The following ITGBL1 variants were observed in gnomAD, a reference collection of about 807,000 sequenced individuals.
ITGBL1 encodes the protein integrin subunit beta like 1, also known as integrin beta-like protein 1.
In ITGBL1, 51 loss-of-function variants were observed where a neutral mutation model predicts 68.5. The ratio of observed to expected loss-of-function variants is 0.74; its 90% CI spans 0.59 to 0.94. ITGBL1 has a LOEUF of 0.94. Among genes scored for constraint, ITGBL1 ranks in the 40% least tolerant of loss-of-function variants. The pLI is 0.00. For missense variants in ITGBL1, 649 were observed against 647.4 expected (o/e 1.00, Z -0.03); for synonymous variants, 209 against 227.3 (o/e 0.92, Z 0.72).
At chr13:101,470,469 G>C (rs541114508) in intron 2 of ITGBL1, among the ~76,000 whole-genome samples, 68 of 152,088 alleles carry the variant, frequency 4.5e-4, no homozygotes, top group African/African-American at 1.6e-3. Context: ...TTATAAAGTA[G>C]ACGTGGTGTT....
In ITGBL1 at chr13:101,708,026, A is replaced by AACACACAC. The variant is rs3062945; in HGVS notation, c.1279+1160_1279+1167dup. ...CCATCTCCCATCCTACACACATGCA[A>AACACACAC]ACACACACACACACACACACACACA... On this transcript the variant is annotated intron_variant, in intron 9 of 10. Coordinates refer to ENST00000376180, the MANE Select transcript of ITGBL1 (RefSeq NM_004791.3). Among the ~76,000 whole-genome samples, 365 of 144,428 alleles carry AACACACAC rather than the reference A, an allele frequency of 2.5e-3. 1 individual carries two copies. Among genetic ancestry groups the AACACACAC allele is most frequent in the South Asian group, 4.5e-3 (20 of 4,436 alleles). The allele number at this position is 144,428 out of a possible 152,430, so 94.8% of individuals were successfully genotyped here. A position where few individuals can be genotyped will look rare whatever the true frequency, so the allele number is the denominator to read the frequency against.
chr13:101,494,413 G>A (rs912764636), intron 2 of ITGBL1, among the ~76,000 whole-genome samples: 2 of 151,998 alleles, frequency 1.3e-5, no homozygotes, highest in African/African-American at 4.8e-5. Context: ...ATTGGAAAAG[G>A]GCTAAAATAT....
At chr13:101,636,657 C>T (rs1023704214) in intron 7 of ITGBL1, among the ~76,000 whole-genome samples, 1 of 152,132 alleles carries the variant, frequency 6.6e-6, no homozygotes, top group Admixed American at 6.5e-5. Flanking sequence ...CATTGAACTA[C>T]TTAAAAATAG....
chr13:101,563,890 TC>T, intron 2 of ITGBL1, among the ~76,000 whole-genome samples: 1 of 151,784 alleles, frequency 6.6e-6, no homozygotes, highest in South Asian at 2.1e-4. Flanking sequence ...GAACACCAAA[TC>T]TTTAATAGAA....
intron 7 of ITGBL1, among the ~76,000 whole-genome samples, chr13:101,622,775 CATGA>C (rs1037067955): frequency 1.3e-4 from 20 of 152,046 alleles, no homozygotes; most frequent in African/African-American, 4.8e-4. Context: ...GTTAGAGATC[CATGA>C]ATAGAAAATC....
intron 2 of ITGBL1, among the ~76,000 whole-genome samples, chr13:101,526,747 CTATAA>C (rs67834605): frequency 0.17 from 25,555 of 151,246 alleles, 2,589 homozygotes; most frequent in African/African-American, 0.28. Flanking sequence ...TAGCATTTTT[CTATAA>C]TATATTTTTA....
chr13:101,473,379 A>G (rs949528605), intron 2 of ITGBL1, among the ~76,000 whole-genome samples: 1 of 152,106 alleles, frequency 6.6e-6, no homozygotes, highest in Non-Finnish European at 1.5e-5. Flanking sequence ...GGAACTTTGG[A>G]TTGGAACTCA....
At chr13:101,596,633 C>CT (rs1274907312) in intron 6 of ITGBL1, among the ~76,000 whole-genome samples, 1 of 152,098 alleles carries the variant, frequency 6.6e-6, no homozygotes, top group Non-Finnish European at 1.5e-5. Flanking sequence ...AGATTTCATG[C>CT]TTTTTGTCAG....
intron 2 of ITGBL1, among the ~76,000 whole-genome samples, chr13:101,559,965 A>G (rs1054609379): frequency 1.3e-5 from 2 of 152,198 alleles, no homozygotes; most frequent in Non-Finnish European, 2.9e-5. Flanking sequence ...GGAACCCTCT[A>G]TATTCTTCCG....
intron 2 of ITGBL1, among the ~76,000 whole-genome samples, chr13:101,529,567 T>C: frequency 6.6e-6 from 1 of 152,228 alleles, no homozygotes; most frequent in East Asian, 1.9e-4. Context: ...AAAATGAGGC[T>C]ACATAGTTCA....
chr13:101,678,741 T>C (rs561209283), intron 7 of ITGBL1, among the ~76,000 whole-genome samples: 20 of 152,078 alleles, frequency 1.3e-4, no homozygotes, highest in Non-Finnish European at 2.2e-4. Flanking sequence ...CCTCAGGTGA[T>C]CCACTGCTTT....
chr13:101,700,482 C>T (rs1252306245), intron 8 of ITGBL1, among the ~76,000 whole-genome samples: 1 of 152,220 alleles, frequency 6.6e-6, no homozygotes, highest in Non-Finnish European at 1.5e-5. Context: ...CTAACTTCCC[C>T]ATATTCATTC....
At chr13:101,656,017 G>C (rs2032910551) in intron 7 of ITGBL1, among the ~76,000 whole-genome samples, 1 of 152,058 alleles carries the variant, frequency 6.6e-6, no homozygotes, top group Non-Finnish European at 1.5e-5. Context: ...GAAATACATT[G>C]ATTTGGTTCA....
chr13:101,486,828 C>T (rs569440904), intron 2 of ITGBL1, among the ~76,000 whole-genome samples: 1 of 152,238 alleles, frequency 6.6e-6, no homozygotes, highest in Non-Finnish European at 1.5e-5. Context: ...CTAGAAGGAA[C>T]ATAAGCACAC....
At chr13:101,573,754 T>C (rs753803906) in intron 3 of ITGBL1, among the ~76,000 whole-genome samples, 1 of 152,154 alleles carries the variant, frequency 6.6e-6, no homozygotes, top group Non-Finnish European at 1.5e-5. Flanking sequence ...CAGCTACAGC[T>C]CTACCTTACT....
intron 7 of ITGBL1, among the ~76,000 whole-genome samples, chr13:101,674,824 TC>T (rs567631902): frequency 9.1e-4 from 138 of 152,234 alleles, no homozygotes; most frequent in African/African-American, 3.1e-3. Flanking sequence ...TAGTTTAACT[TC>T]ATCTTATTTT....
rs182319104 is a variant in ITGBL1 at position 101,587,083 on chromosome 13, T to C, written c.868+3727T>C. ...CTTGCCATCCTGAGAGTTTTGGTCT[T>C]ATTTAAGTCCAAGGGAAGTCTCTGG... is the stretch of plus-strand genomic sequence containing the variant. On this transcript the variant is annotated intron_variant, in intron 6 of 10. Coordinates refer to ENST00000376180, the MANE Select transcript of ITGBL1 (RefSeq NM_004791.3). Among the ~76,000 whole-genome samples the C allele has an allele frequency of 1.5e-3, 227 of 152,304 alleles. 3 individuals carry two copies. Among genetic ancestry groups the C allele is most frequent in the Non-Finnish European group, 2.4e-4 (16 of 68,016 alleles).
At chr13:101,646,085 A>G (rs1221746660) in intron 7 of ITGBL1, among the ~76,000 whole-genome samples, 1 of 152,198 alleles carries the variant, frequency 6.6e-6, no homozygotes, top group African/African-American at 2.4e-5. Context: ...GCTGGACAGT[A>G]TCCACCTTTG....
At chr13:101,554,121 G>A (rs997190475) in intron 2 of ITGBL1, among the ~76,000 whole-genome samples, 1 of 151,972 alleles carries the variant, frequency 6.6e-6, no homozygotes, top group African/African-American at 2.4e-5. Context: ...TCAGATTAAG[G>A]GCCCACCTAA....
Sources: gnomAD v4.1 joint callset for allele counts (sites outside exome capture counted in the v4.1 genomes callset) on GRCh38, gnomAD v4.1.1 for gene constraint, MANE v1.5 for transcripts, NCBI Gene and HGNC (gene_info 2026-07-23, HGNC 2026-07-21) for gene names.